FOXP2: variants seen among roughly 807,000 people sequenced by gnomAD.
The protein encoded by FOXP2 is forkhead box P2, also known as forkhead box protein P2.
A neutral mutation model predicts 115.8 loss-of-function variants in FOXP2; 12 were observed. The observed-to-expected ratio is 0.10, with a 90% CI of 0.07 to 0.17. FOXP2 has a LOEUF of 0.17. Among genes scored for constraint, FOXP2 ranks in the 10% least tolerant of loss-of-function variants. The probability of loss-of-function intolerance (pLI) is 1.00; values close to 1 mark genes in which losing one functional copy is unlikely to be tolerated. For synonymous variants in FOXP2, 328 were observed against 297.7 expected (o/e 1.10, Z -1.05); for missense variants, 629 against 843.5 (o/e 0.75, Z 3.15).
intron 1 of FOXP2, among the ~76,000 whole-genome samples, chr7:114,256,409 G>T (rs1795614834): frequency 6.6e-6 from 1 of 152,088 alleles, no homozygotes; most frequent in Non-Finnish European, 1.5e-5. Flanking sequence ...GCCCAGCCAA[G>T]ATGGTATATT....
intron 1 of FOXP2, among the ~76,000 whole-genome samples, chr7:114,425,987 C>T (rs1169139891): frequency 4.6e-5 from 7 of 151,654 alleles, no homozygotes; most frequent in Non-Finnish European, 5.9e-5. Flanking sequence ...TGGTTGGTAC[C>T]ATATGATTTG....
chr7:114,262,688 T>G (rs1421609173), intron 1 of FOXP2, among the ~76,000 whole-genome samples: 2 of 152,210 alleles, frequency 1.3e-5, no homozygotes, highest in Non-Finnish European at 2.9e-5. Context: ...CACATTTGGC[T>G]AGAACCTACC....
intron 1 of FOXP2, among the ~76,000 whole-genome samples, chr7:114,274,795 T>TTTTGTTTG (rs952946128): frequency 6.6e-6 from 1 of 151,360 alleles, no homozygotes; most frequent in Non-Finnish European, 1.5e-5. Context: ...TTTTTATGTT[T>TTTTGTTTG]TTTGTTTGTT....
intron 1 of FOXP2, among the ~76,000 whole-genome samples, chr7:114,256,779 C>T (rs1033573305): frequency 1.3e-5 from 2 of 152,196 alleles, no homozygotes; most frequent in Non-Finnish European, 2.9e-5. Context: ...ATAAACTCTG[C>T]TCAAGGAAAT....
At chr7:114,628,513 TTCTTTC>T (rs112856274) in intron 3 of FOXP2, 21 bp from the exon 4 acceptor site, 11 of 1,613,628 alleles carry the variant, frequency 6.8e-6, no homozygotes, top group South Asian at 4.4e-5. Context: ...ACCACGAATT[TTCTTTC>T]TCTTTCTCTT....
intron 6 of FOXP2, among the ~76,000 whole-genome samples, chr7:114,639,639 G>T (rs756987328): frequency 4.6e-5 from 7 of 152,162 alleles, no homozygotes; most frequent in Non-Finnish European, 1.0e-4. Context: ...AACCATCTAA[G>T]TAAAGGGAGG....
chr7:114,273,728 G>T (rs1422944516), intron 1 of FOXP2, among the ~76,000 whole-genome samples: 1 of 151,976 alleles, frequency 6.6e-6, no homozygotes, highest in African/African-American at 2.4e-5. Flanking sequence ...TTTGAAGTCT[G>T]CTATGTCTGA....
At chr7:114,235,412 G>A (rs1343434498) in intron 1 of FOXP2, among the ~76,000 whole-genome samples, 3 of 151,266 alleles carry the variant, frequency 2.0e-5, no homozygotes, top group Non-Finnish European at 4.4e-5. Context: ...TTAAAAAAAA[G>A]GAAAAACACT....
intron 2 of FOXP2, among the ~76,000 whole-genome samples, chr7:114,473,068 C>G (rs541154914): frequency 6.6e-6 from 1 of 152,248 alleles, no homozygotes; most frequent in East Asian, 1.9e-4. Context: ...GATATCTAAG[C>G]TTGGAATGAG....
intron 1 of FOXP2, among the ~76,000 whole-genome samples, chr7:114,185,965 G>A (rs563386851): frequency 1.2e-4 from 18 of 151,674 alleles, no homozygotes; most frequent in African/African-American, 4.1e-4. Context: ...TTTTTGCTAT[G>A]GCATCACGTG....
intron 3 of FOXP2, among the ~76,000 whole-genome samples, chr7:114,540,129 CG>C (rs1799583216): frequency 6.6e-6 from 1 of 151,690 alleles, no homozygotes; most frequent in South Asian, 2.1e-4. Flanking sequence ...AGCATTTGGC[CG>C]TAATTTGTTA....
intron 1 of FOXP2, among the ~76,000 whole-genome samples, chr7:114,132,571 GT>G: frequency 7.3e-6 from 1 of 136,590 alleles, no homozygotes; most frequent in Non-Finnish European, 1.6e-5. Flanking sequence ...GTGTGTGTGT[GT>G]GTGTGTGTGT....
At chr7:114,204,765 T>C (rs897208780) in intron 1 of FOXP2, among the ~76,000 whole-genome samples, 1 of 152,192 alleles carries the variant, frequency 6.6e-6, no homozygotes. Flanking sequence ...TTTGCCCTTT[T>C]CTTATTTGAT....
chr7:114,277,394 T>G (rs1796215638), intron 1 of FOXP2, among the ~76,000 whole-genome samples: 1 of 152,108 alleles, frequency 6.6e-6, no homozygotes, highest in Admixed American at 6.6e-5. Flanking sequence ...GGATATGCCT[T>G]TAACTATTTT....
chr7:114,090,327 C>G (rs1166201478), intron 1 of FOXP2, among the ~76,000 whole-genome samples: 2 of 151,774 alleles, frequency 1.3e-5, no homozygotes, highest in African/African-American at 4.8e-5. Flanking sequence ...TTGGCACATT[C>G]AAGCTATTTT....
intron 7 of FOXP2, 56 bp from the exon 8 acceptor site, chr7:114,644,629 C>G: frequency 2.8e-6 from 4 of 1,448,544 alleles, no homozygotes; most frequent in Non-Finnish European, 3.9e-6. Context: ...GCGCTAGCAG[C>G]CTGCAACGAT....
chr7:114,164,413 C>T (rs775810364), intron 1 of FOXP2, among the ~76,000 whole-genome samples: 6 of 150,806 alleles, frequency 4.0e-5, no homozygotes, highest in Non-Finnish European at 7.4e-5. Context: ...GGTGCGATCT[C>T]GGCTCACTGC....
chr7:114,602,330 T>G (rs555385333), intron 3 of FOXP2, among the ~76,000 whole-genome samples: 1 of 152,164 alleles, frequency 6.6e-6, no homozygotes, highest in African/African-American at 2.4e-5. Context: ...CAAGTTATAT[T>G]TATTACTACC....
intron 2 of FOXP2, among the ~76,000 whole-genome samples, chr7:114,504,094 A>G (rs1395240691): frequency 1.3e-5 from 2 of 151,746 alleles, no homozygotes; most frequent in African/African-American, 2.4e-5. Context: ...TTTTGCAAAT[A>G]TATGTTTTGA....
Sources: gnomAD v4.1 joint callset for allele counts (sites outside exome capture counted in the v4.1 genomes callset) on GRCh38, gnomAD v4.1.1 for gene constraint, MANE v1.5 for transcripts, NCBI Gene and HGNC (gene_info 2026-07-23, HGNC 2026-07-21) for gene names.